Variants in CFAP70 observed in about 807,000 individuals in gnomAD.
CFAP70 encodes the protein cilia- and flagella-associated protein 70.
In CFAP70, 81 loss-of-function variants were observed where a neutral mutation model predicts 137.6. The observed-to-expected ratio is 0.59, with a 90% CI of 0.49 to 0.71. The LOEUF (loss-of-function observed/expected upper bound fraction) is 0.71. Ranked by LOEUF, CFAP70 falls within the 30% of genes least tolerant of loss-of-function variation. The probability of loss-of-function intolerance (pLI) is 0.00; values close to 1 mark genes in which losing one functional copy is unlikely to be tolerated. For synonymous variants in CFAP70, 382 were observed against 423.6 expected (o/e 0.90, Z 1.20); for missense variants, 976 against 1,226.7 (o/e 0.80, Z 3.05).
intron 9 of CFAP70, among the ~76,000 whole-genome samples, chr10:73,317,437 A>G (rs1466433763): frequency 6.6e-6 from 1 of 152,138 alleles, no homozygotes; most frequent in Non-Finnish European, 1.5e-5. Flanking sequence ...GTGGTTAACC[A>G]TATTGATTCT....
intron 9 of CFAP70, among the ~76,000 whole-genome samples, chr10:73,322,470 A>G (rs973241249): frequency 2.0e-5 from 3 of 152,044 alleles, no homozygotes; most frequent in Non-Finnish European, 4.4e-5. Flanking sequence ...CCAGCTATTC[A>G]AAAGGCTGAG....
chr10:73,307,095 T>A (rs1374749999), intron 12 of CFAP70, among the ~76,000 whole-genome samples: 1 of 152,096 alleles, frequency 6.6e-6, no homozygotes, highest in Admixed American at 6.5e-5. Flanking sequence ...GATGGAGATG[T>A]ATAGGAGCAG....
At position 73,323,098 on chromosome 10, in the gene CFAP70, C is replaced by G; in HGVS notation, c.778-1G>C. 1.9e-6 allele frequency: 3 copies of G among 1,607,282 alleles called. No individual in the cohort carries two copies. The highest frequency in any genetic ancestry group is 2.5e-6 in the Non-Finnish European group (3 of 1,177,910). ...ACGAAAGCTGAGCTTCTTCATCAGT[C>G]TAAAGGAATAAAACCAGAGAGTTGT... On this transcript the variant is annotated splice_acceptor_variant, in intron 8 of 26. Coordinates refer to ENST00000310715, the Ensembl canonical transcript of CFAP70. LOFTEE classifies it high-confidence loss of function.
At position 73,266,164 on chromosome 10, in the gene CFAP70, T is replaced by C. The variant is rs2045740927; in HGVS notation, c.3027+3450A>G. Among the ~76,000 whole-genome samples the C allele has an allele frequency of 2.6e-5, 4 of 152,308 alleles. No homozygotes were observed. The South Asian group carries it at 8.3e-4, about 32-fold the overall frequency. ...TTGTTCCTGATTTTGATGACATTGATTTTTATATTGATTTTTATCCAGCAA... is the reference window on the plus strand; with the variant it reads ...TTGTTCCTGATTTTGATGACATTGACTTTTATATTGATTTTTATCCAGCAA... On this transcript the variant is annotated intron_variant, in intron 25 of 26. Transcript: ENST00000310715.
At chr10:73,350,091 T>C (rs1179986357) in intron 3 of CFAP70, among the ~76,000 whole-genome samples, 9 of 152,212 alleles carry the variant, frequency 5.9e-5, no homozygotes, top group African/African-American at 1.9e-4. Context: ...CATATTGCAT[T>C]TGGTTGTCAT....
At chr10:73,322,910 CAG>C in intron 9 of CFAP70, 51 bp downstream of exon 10, 1 of 1,477,938 alleles carries the variant, frequency 6.8e-7, no homozygotes, top group African/African-American at 1.4e-5. Context: ...TGTAAGTAAA[CAG>C]ATATATAAAG....
At chr10:73,311,284 T>C (rs2049899892) in intron 11 of CFAP70, among the ~76,000 whole-genome samples, 1 of 152,198 alleles carries the variant, frequency 6.6e-6, no homozygotes, top group Non-Finnish European at 1.5e-5. Context: ...CTCAAGCTGT[T>C]CCCTGGCTCT....
intron 3 of CFAP70, among the ~76,000 whole-genome samples, chr10:73,350,012 G>T (rs1696725765): frequency 6.6e-6 from 1 of 152,146 alleles, no homozygotes; most frequent in African/African-American, 2.4e-5. Context: ...TTCACCTAGT[G>T]TCCAGTTTAT....
exon 13 of CFAP70, chr10:73,299,662 G>T: frequency 1.2e-6 from 2 of 1,610,444 alleles, no homozygotes; most frequent in South Asian, 2.2e-5. Context: ...TCATTTCCTT[G>T]ACCCTGTATC....
At chr10:73,351,097 A>G (rs1469224391) in intron 3 of CFAP70, among the ~76,000 whole-genome samples, 4 of 105,242 alleles carry the variant, frequency 3.8e-5, no homozygotes, top group South Asian at 7.7e-4. Context: ...ATATATATAT[A>G]TATATATATA....
rs572543850 is a variant in CFAP70, at chr10:73,312,390, G to C, written c.1083+83C>G. On this transcript the variant is annotated intron_variant, in intron 10 of 26. Coordinates refer to ENST00000310715, the Ensembl canonical transcript of CFAP70. Reference sequence around the variant, plus strand: ...TTAAAAAAAAATGCAAACTAACATTGATACCAGTCACCAAGTGAGAAATCA... The same window carrying C: ...TTAAAAAAAAATGCAAACTAACATTCATACCAGTCACCAAGTGAGAAATCA... 38 of 1,009,052 alleles carry C rather than the reference G, an allele frequency of 3.8e-5. No homozygotes were observed. The South Asian group carries it at 6.1e-4, about 16-fold the overall frequency. The allele number at this position is 1,009,052 out of a possible 1,614,324, so 62.5% of individuals were successfully genotyped here.
intron 10 of CFAP70, among the ~76,000 whole-genome samples, 199 bp from the exon 12 acceptor site, chr10:73,312,113 C>T (rs753944723): frequency 5.9e-5 from 9 of 152,070 alleles, no homozygotes; most frequent in South Asian, 2.1e-4. Context: ...AACCAAATAC[C>T]GCATGTTCTC....
Position 73,341,594 on chromosome 10 carries a change from A to G in CFAP70, c.400-13T>C. 4 of 1,607,710 alleles carry G rather than the reference A, an allele frequency of 2.5e-6. No individual in the cohort carries two copies. Among genetic ancestry groups the G allele is most frequent in the Non-Finnish European group, 3.4e-6 (4 of 1,177,850 alleles). On this transcript the variant is annotated splice_polypyrimidine_tract_variant and intron_variant, in intron 5 of 26. Transcript: ENST00000310715. Reference sequence around the variant, plus strand: ...TGGGATAGTCCTTCTACAGAAATAGATACCATATGTCAGGAAAATTTGTAA... The same window carrying G: ...TGGGATAGTCCTTCTACAGAAATAGGTACCATATGTCAGGAAAATTTGTAA...
At chr10:73,326,412 T>A in intron 8 of CFAP70, among the ~76,000 whole-genome samples, 1 of 144,254 alleles carries the variant, frequency 6.9e-6, no homozygotes, top group Admixed American at 6.9e-5. Flanking sequence ...CACCCTAACA[T>A]CACAATTAAA....
intron 12 of CFAP70, among the ~76,000 whole-genome samples, chr10:73,301,746 G>A (rs891763433): frequency 2.0e-5 from 3 of 152,160 alleles, no homozygotes; most frequent in Non-Finnish European, 4.4e-5. Context: ...CCACTGAATT[G>A]TACACTTTAT....
chr10:73,333,651 A>G lies in CFAP70; in HGVS notation c.677+1779T>C, dbSNP rs183242010. Among the ~76,000 whole-genome samples the G allele has an allele frequency of 1.9e-3, 293 of 152,340 alleles. 2 individuals carry two copies. Among genetic ancestry groups the G allele is most frequent in the African/African-American group, 6.6e-3 (276 of 41,588 alleles). Reference sequence around the variant, plus strand: ...CCGCCAACTTAGAATTCCGTACCTAATAAAATTATCCTTCAAACCTAAAGG... The same window carrying G: ...CCGCCAACTTAGAATTCCGTACCTAGTAAAATTATCCTTCAAACCTAAAGG... On this transcript the variant is annotated intron_variant, in intron 7 of 26. Transcript: ENST00000310715.
rs548448968 is a variant in CFAP70 at position 73,302,599 on chromosome 10, C to T, written c.1257-2934G>A. Among the ~76,000 whole-genome samples, 268 of 152,274 alleles carry T rather than the reference C, an allele frequency of 1.8e-3. 1 individual carries two copies. The highest frequency in any genetic ancestry group is 6.0e-3 in the African/African-American group (250 of 41,542). On this transcript the variant is annotated intron_variant, in intron 12 of 26. Coordinates refer to ENST00000310715, the Ensembl canonical transcript of CFAP70. ...ACTCGCACCAGCTTATATGAGAGGA[C>T]CTGTTTCCAAACATCCTCAACAACA...
intron 4 of CFAP70, 49 bp from the exon 6 acceptor site, chr10:73,345,293 T>C (rs2053612607): frequency 6.6e-7 from 1 of 1,524,006 alleles, no homozygotes; most frequent in African/African-American, 1.4e-5. Flanking sequence ...CCAGAGATCT[T>C]CCTTTTTTGC....
chr10:73,333,826 TATC>T (rs1208804804), intron 7 of CFAP70, among the ~76,000 whole-genome samples: 1 of 152,086 alleles, frequency 6.6e-6, no homozygotes. Context: ...CATCAGGAAA[TATC>T]ATAAATGAAG....
Sources: gnomAD v4.1 joint callset for allele counts (sites outside exome capture counted in the v4.1 genomes callset) on GRCh38, gnomAD v4.1.1 for gene constraint, MANE v1.5 for transcripts, NCBI Gene and HGNC (gene_info 2026-07-23, HGNC 2026-07-21) for gene names.